The following KCNIP4 variants were observed in gnomAD, a reference collection of about 807,000 sequenced individuals.
The protein encoded by KCNIP4 is potassium voltage-gated channel interacting protein 4.
In KCNIP4, 12 loss-of-function variants were observed where a neutral mutation model predicts 34.0. The observed-to-expected ratio is 0.35, with a 90% CI of 0.23 to 0.57. The LOEUF (loss-of-function observed/expected upper bound fraction) is 0.57, where lower values mean the gene tolerates loss of function less well. Among genes scored for constraint, KCNIP4 ranks in the 20% least tolerant of loss-of-function variants. The pLI is 0.83. For synonymous variants in KCNIP4, 124 were observed against 102.2 expected, an observed-to-expected ratio of 1.21 and a Z score of -1.29; for missense variants, 238 against 311.7, an observed-to-expected ratio of 0.76 and a Z score of 1.78.
chr4:21,297,161 A>G (rs977909327), intron 1 of KCNIP4, among the ~76,000 whole-genome samples: 1 of 151,710 alleles, frequency 6.6e-6, no homozygotes, highest in African/African-American at 2.4e-5. Flanking sequence ...TGAATGTGGT[A>G]ACAAATACCC....
At chr4:21,362,128 T>C (rs1234124437) in intron 1 of KCNIP4, among the ~76,000 whole-genome samples, 5 of 152,090 alleles carry the variant, frequency 3.3e-5, no homozygotes, top group Admixed American at 2.6e-4. Context: ...GGAAATAGTC[T>C]AACTGCACAC....
intron 1 of KCNIP4, among the ~76,000 whole-genome samples, chr4:21,319,225 G>T (rs1007141599): frequency 2.0e-5 from 3 of 152,206 alleles, no homozygotes; most frequent in African/African-American, 4.8e-5. Context: ...GCTTGATCAT[G>T]CTGGCTTTGC....
At chr4:21,328,717 C>A (rs1259918499) in intron 1 of KCNIP4, among the ~76,000 whole-genome samples, 1 of 152,208 alleles carries the variant, frequency 6.6e-6, no homozygotes, top group Non-Finnish European at 1.5e-5. Context: ...CATCCAGGAG[C>A]CAGGGCCTGG....
intron 1 of KCNIP4, among the ~76,000 whole-genome samples, chr4:21,552,877 A>G (rs1013088922): frequency 6.6e-6 from 1 of 152,144 alleles, no homozygotes; most frequent in Non-Finnish European, 1.5e-5. Context: ...GTAAAATAAA[A>G]TTTCTGCTGA....
At chr4:21,807,775 A>C (rs1488881289) in intron 1 of KCNIP4, among the ~76,000 whole-genome samples, 1 of 152,158 alleles carries the variant, frequency 6.6e-6, no homozygotes, top group Non-Finnish European at 1.5e-5. Flanking sequence ...TACACATAAA[A>C]CTAATTGCAT....
At chr4:21,014,463 G>A (rs935838418) in intron 1 of KCNIP4, among the ~76,000 whole-genome samples, 1 of 152,112 alleles carries the variant, frequency 6.6e-6, no homozygotes, top group Non-Finnish European at 1.5e-5. Context: ...TGAATCACAG[G>A]AAAGCAATAA....
chr4:21,104,969 C>A (rs1320200510), intron 1 of KCNIP4, among the ~76,000 whole-genome samples: 1 of 151,674 alleles, frequency 6.6e-6, no homozygotes, highest in Non-Finnish European at 1.5e-5. Flanking sequence ...TGTTTTGGTA[C>A]AAGTACCATG....
chr4:20,888,841 G>C (rs575263700), intron 1 of KCNIP4, among the ~76,000 whole-genome samples: 2 of 152,176 alleles, frequency 1.3e-5, no homozygotes, highest in East Asian at 1.9e-4. Flanking sequence ...TTTTTTTAAA[G>C]GTTACATGTT....
intron 1 of KCNIP4, among the ~76,000 whole-genome samples, chr4:21,583,141 T>C (rs1741360935): frequency 6.6e-6 from 1 of 151,526 alleles, no homozygotes; most frequent in Admixed American, 6.6e-5. Flanking sequence ...TGAATTTTAG[T>C]GCATATCCAT....
intron 1 of KCNIP4, among the ~76,000 whole-genome samples, chr4:21,556,226 T>C (rs528734768): frequency 6.6e-6 from 1 of 152,240 alleles, no homozygotes; most frequent in East Asian, 1.9e-4. Flanking sequence ...ATTATAACAA[T>C]CATGATAATT....
intron 1 of KCNIP4, among the ~76,000 whole-genome samples, chr4:21,213,950 C>T (rs189761546): frequency 6.6e-5 from 10 of 152,282 alleles, no homozygotes; most frequent in Admixed American, 2.6e-4. Context: ...CACAGAGTGT[C>T]GTACAGCCCA....
chr4:21,317,521 G>A (rs1578069475), intron 1 of KCNIP4, among the ~76,000 whole-genome samples: 2 of 152,230 alleles, frequency 1.3e-5, no homozygotes, highest in Non-Finnish European at 1.5e-5. Flanking sequence ...TGGTAAATAA[G>A]CAAACACTAA....
chr4:21,478,019 A>G (rs902433140), intron 1 of KCNIP4, among the ~76,000 whole-genome samples: 1 of 152,188 alleles, frequency 6.6e-6, no homozygotes, highest in African/African-American at 2.4e-5. Context: ...TCAACCTCTC[A>G]ACATATCCTC....
At chr4:21,632,610 T>A (rs941276243) in intron 1 of KCNIP4, among the ~76,000 whole-genome samples, 1 of 152,210 alleles carries the variant, frequency 6.6e-6, no homozygotes, top group African/African-American at 2.4e-5. Flanking sequence ...AATAAATATC[T>A]GTCCCAGGGT....
intron 1 of KCNIP4, among the ~76,000 whole-genome samples, chr4:21,926,898 T>C (rs774648288): frequency 2.6e-5 from 4 of 152,216 alleles, no homozygotes; most frequent in Non-Finnish European, 5.9e-5. Context: ...TTCTCTATTG[T>C]TGCTGCAAAG....
At chr4:20,944,031 C>G (rs10516373) in intron 1 of KCNIP4, among the ~76,000 whole-genome samples, 6,708 of 152,238 alleles carry the variant, frequency 0.044, 320 homozygotes, top group African/African-American at 0.12. Context: ...GTTGCTCTAC[C>G]TAAAACTCAG....
chr4:21,100,358 C>A (rs926562248), intron 1 of KCNIP4, among the ~76,000 whole-genome samples: 11 of 152,092 alleles, frequency 7.2e-5, no homozygotes, highest in African/African-American at 2.2e-4. Flanking sequence ...CAAGACCAGC[C>A]TGGCTAACAT....
chr4:20,928,220 A>G (rs1730087596), intron 1 of KCNIP4, among the ~76,000 whole-genome samples: 1 of 149,044 alleles, frequency 6.7e-6, no homozygotes, highest in South Asian at 2.1e-4. Context: ...TAAACAGACC[A>G]ATACAAATTT....
At chr4:21,692,826 C>CTTTT (rs1711804170) in intron 1 of KCNIP4, among the ~76,000 whole-genome samples, 22 of 114,938 alleles carry the variant, frequency 1.9e-4, no homozygotes, top group African/African-American at 7.3e-4. Context: ...AAAATCCTGT[C>CTTTT]ATTTTTTTTT....
Sources: allele counts gnomAD v4.1 joint callset (sites outside exome capture counted in the v4.1 genomes callset), GRCh38; gene constraint gnomAD v4.1.1; transcripts MANE v1.5; gene names NCBI Gene and HGNC (gene_info 2026-07-23, HGNC 2026-07-21).